RPS6KC1: variants seen among roughly 807,000 people sequenced by gnomAD.
RPS6KC1 encodes ribosomal protein S6 kinase C1.
A neutral mutation model predicts 103.8 loss-of-function variants in RPS6KC1; 54 were observed. That is an observed-to-expected ratio of 0.52 (90% CI 0.42 to 0.65). The LOEUF (loss-of-function observed/expected upper bound fraction) is 0.65. Among genes scored for constraint, RPS6KC1 ranks in the 30% least tolerant of loss-of-function variants. The probability of loss-of-function intolerance (pLI) is 0.00; values close to 1 mark genes in which losing one functional copy is unlikely to be tolerated. For synonymous variants in RPS6KC1, 439 were observed against 438.7 expected (o/e 1.00, Z -0.01); for missense variants, 1,151 against 1,253.8 (o/e 0.92, Z 1.24).
At chr1:213,123,941 A>G (rs1445771504) in intron 5 of RPS6KC1, among the ~76,000 whole-genome samples, 1 of 152,158 alleles carries the variant, frequency 6.6e-6, no homozygotes, top group Non-Finnish European at 1.5e-5. Context: ...AGTTTATAGT[A>G]TAAAGATTTA....
the RPS6KC1 span, among the ~76,000 whole-genome samples, chr1:213,459,156 T>A: frequency 1.5e-4 from 23 of 152,312 alleles, no homozygotes; most frequent in African/African-American, 5.5e-4. Flanking sequence ...TTTTCTATTG[T>A]TTGGAATACT....
chr1:213,380,135 T>C, the RPS6KC1 span, among the ~76,000 whole-genome samples: 5 of 152,234 alleles, frequency 3.3e-5, no homozygotes, highest in African/African-American at 9.6e-5. Context: ...TATGAAATAC[T>C]ATGCAGCCGC....
In RPS6KC1 at chr1:213,207,853, A is replaced by G. The variant is rs1176270191; in HGVS notation, c.1045-22644A>G. 2.0e-5 allele frequency among the ~76,000 whole-genome samples: 3 copies of G among 151,914 alleles called. No homozygotes were observed. The East Asian group carries it at 5.8e-4, about 29-fold the overall frequency. On this transcript the variant is annotated intron_variant, in intron 8 of 14. Transcript: ENST00000366960. Reference sequence around the variant, plus strand: ...CATGCTGGCTAATTTTTATATTTTTAGTAGAGACAGGGTTTCACCATGTTG... The same window carrying G: ...CATGCTGGCTAATTTTTATATTTTTGGTAGAGACAGGGTTTCACCATGTTG...
the RPS6KC1 span, among the ~76,000 whole-genome samples, chr1:213,446,671 A>T: frequency 6.6e-6 from 1 of 152,182 alleles, no homozygotes; most frequent in Non-Finnish European, 1.5e-5. Flanking sequence ...GTTGACACCT[A>T]AGCCTGACCG....
chr1:213,287,408 A>G, the RPS6KC1 span, among the ~76,000 whole-genome samples: 2 of 152,152 alleles, frequency 1.3e-5, no homozygotes, highest in African/African-American at 2.4e-5. Context: ...ACTCTTCCTC[A>G]AGGCATTTAC....
chr1:213,076,435 CTATTGTA>C (rs766742156), intron 2 of RPS6KC1, among the ~76,000 whole-genome samples: 1 of 152,114 alleles, frequency 6.6e-6, no homozygotes, highest in Non-Finnish European at 1.5e-5. Context: ...GCATTATACT[CTATTGTA>C]TATGAAAAAC....
chr1:213,739,610 C>T, the RPS6KC1 span, among the ~76,000 whole-genome samples: 1 of 151,838 alleles, frequency 6.6e-6, no homozygotes, highest in Non-Finnish European at 1.5e-5. Context: ...AATTTTGGAA[C>T]ATTAAGAATA....
intron 6 of RPS6KC1, among the ~76,000 whole-genome samples, chr1:213,157,013 A>T (rs2089964249): frequency 6.6e-6 from 1 of 151,764 alleles, no homozygotes; most frequent in South Asian, 2.1e-4. Flanking sequence ...TATCAATTTG[A>T]TATCTTGTTT....
the RPS6KC1 span, among the ~76,000 whole-genome samples, chr1:213,858,370 A>G: frequency 1.3e-5 from 2 of 152,290 alleles, no homozygotes; most frequent in East Asian, 3.9e-4. Context: ...AAGCTCCTCA[A>G]GGCTCTTTCT....
the RPS6KC1 span, among the ~76,000 whole-genome samples, chr1:213,744,652 C>A: frequency 6.6e-6 from 1 of 152,180 alleles, no homozygotes; most frequent in East Asian, 1.9e-4. Context: ...CCCTAATACC[C>A]CCATTTCTCT....
chr1:213,365,404 A>G, the RPS6KC1 span, among the ~76,000 whole-genome samples: 1 of 152,204 alleles, frequency 6.6e-6, no homozygotes, highest in East Asian at 1.9e-4. Context: ...ATTAGGTCCT[A>G]ATATTGATTC....
chr1:213,166,692 G>T (rs1417193892), intron 6 of RPS6KC1, among the ~76,000 whole-genome samples: 2 of 152,148 alleles, frequency 1.3e-5, no homozygotes, highest in Non-Finnish European at 2.9e-5. Context: ...AATGTAAAAG[G>T]TGTGAAATGA....
chr1:213,583,745 C>T, the RPS6KC1 span, among the ~76,000 whole-genome samples: 3 of 138,556 alleles, frequency 2.2e-5, no homozygotes, highest in African/African-American at 2.8e-5. Context: ...CGCTTGAACC[C>T]GGGAGGTGGA....
intron 6 of RPS6KC1, among the ~76,000 whole-genome samples, chr1:213,137,292 G>A (rs1035444904): frequency 1.3e-4 from 19 of 150,694 alleles, no homozygotes; most frequent in African/African-American, 4.4e-4. Flanking sequence ...CTTCACTTTC[G>A]AGCCTATAAA....
At chr1:213,600,849 T>C in the RPS6KC1 span, among the ~76,000 whole-genome samples, 1 of 152,380 alleles carries the variant, frequency 6.6e-6, no homozygotes, top group Non-Finnish European at 1.5e-5. Flanking sequence ...CTCAGTGGTA[T>C]TTGTTATGTG....
chr1:213,559,749 A>T, the RPS6KC1 span, among the ~76,000 whole-genome samples: 7 of 152,340 alleles, frequency 4.6e-5, 1 homozygote, highest in African/African-American at 1.7e-4. Context: ...GTGTAATTTA[A>T]TTTTTTTATA....
intron 8 of RPS6KC1, among the ~76,000 whole-genome samples, chr1:213,192,137 C>A (rs368220413): frequency 2.0e-5 from 3 of 152,262 alleles, no homozygotes; most frequent in African/African-American, 7.2e-5. Flanking sequence ...TTTTCAGCAT[C>A]AGTTGAAATG....
intron 6 of RPS6KC1, among the ~76,000 whole-genome samples, chr1:213,165,051 C>G (rs1325458620): frequency 1.3e-5 from 2 of 151,424 alleles, no homozygotes; most frequent in African/African-American, 4.9e-5. Context: ...AATAATTTGA[C>G]TAGTTAGAAA....
At chr1:213,161,076 A>G (rs1188868099) in intron 6 of RPS6KC1, among the ~76,000 whole-genome samples, 4 of 152,306 alleles carry the variant, frequency 2.6e-5, no homozygotes, top group East Asian at 1.9e-4. Flanking sequence ...GGTCTTCTAC[A>G]TGTAATGTTC....
Sources: allele counts gnomAD v4.1 joint callset (sites outside exome capture counted in the v4.1 genomes callset), GRCh38; gene constraint gnomAD v4.1.1; transcripts MANE v1.5; gene names NCBI Gene and HGNC (gene_info 2026-07-23, HGNC 2026-07-21).